NHS: variants seen among roughly 807,000 people sequenced by gnomAD.
The protein encoded by NHS is NHS actin remodeling regulator.
NHS carries 5 observed loss-of-function variants against 72.5 expected under a neutral mutation model. The observed-to-expected ratio is 0.07, with a 90% CI of 0.04 to 0.14. The LOEUF (loss-of-function observed/expected upper bound fraction) is 0.14, where lower values mean the gene tolerates loss of function less well. Ranked by LOEUF, NHS falls within the 10% of genes least tolerant of loss-of-function variation. NHS has a pLI of 1.00. For synonymous variants in NHS, 464 were observed against 547.7 expected, an observed-to-expected ratio of 0.85 and a Z score of 2.13; for missense variants, 1,072 against 1,355.7, an observed-to-expected ratio of 0.79 and a Z score of 3.29.
chrX:17,491,142 G>A (rs992880832), intron 1 of NHS, among the ~76,000 whole-genome samples: 3 of 111,409 alleles, frequency 2.7e-5, no homozygotes, highest in Non-Finnish European at 5.6e-5. Flanking sequence ...GATTGCCCTG[G>A]CCAGAACTTC....
At chrX:17,582,542 A>C (rs1307117759) in intron 1 of NHS, among the ~76,000 whole-genome samples, 1 of 111,856 alleles carries the variant, frequency 8.9e-6, no homozygotes, top group East Asian at 2.8e-4. Context: ...GAGAAGAGAG[A>C]GTCCTTGGCC....
rs144801327 is a variant in NHS at position 17,477,384 on chromosome X, C to T, written c.565+101062C>T. On this transcript the variant is annotated intron_variant, in intron 1 of 8. Coordinates refer to ENST00000676302, the MANE Select transcript of NHS (RefSeq NM_001291867.2). ...CATATTTGAGGAATAGCAAGGAGCC[C>T]GGTGTGGTCAGAGCTGCATGGGTAA... is the stretch of plus-strand genomic sequence containing the variant. Among the ~76,000 whole-genome samples the T allele has an allele frequency of 3.9e-3, 430 of 111,648 alleles. 1 individual carries two copies. Among genetic ancestry groups the T allele is most frequent in the African/African-American group, 0.013 (392 of 30,740 alleles).
intron 1 of NHS, among the ~76,000 whole-genome samples, chrX:17,487,363 G>C (rs139052313): frequency 0.01 from 1,121 of 111,436 alleles, 16 homozygotes; most frequent in African/African-American, 0.035. Context: ...GCCTTGGGAG[G>C]CTTCTAATTT....
At chrX:17,538,660 G>A (rs949970886) in intron 1 of NHS, among the ~76,000 whole-genome samples, 2 of 111,860 alleles carry the variant, frequency 1.8e-5, no homozygotes, top group African/African-American at 3.3e-5. Flanking sequence ...CCATGAACAC[G>A]TGCAAAGTGG....
At chrX:17,452,994 T>C (rs2064811869) in intron 1 of NHS, among the ~76,000 whole-genome samples, 1 of 112,308 alleles carries the variant, frequency 8.9e-6, no homozygotes, top group South Asian at 3.7e-4. Context: ...GTCTCTTTAA[T>C]TGTACCAGGG....
At chrX:17,554,566 G>C (rs984481658) in intron 1 of NHS, among the ~76,000 whole-genome samples, 3 of 112,643 alleles carry the variant, frequency 2.7e-5, no homozygotes, top group African/African-American at 9.7e-5. Flanking sequence ...TTCTGGGCCA[G>C]CCAGGTTTAA....
At chrX:17,580,661 G>T (rs1295645184) in intron 1 of NHS, among the ~76,000 whole-genome samples, 2 of 111,536 alleles carry the variant, frequency 1.8e-5, no homozygotes, top group African/African-American at 3.3e-5. Context: ...GCTGTGATTT[G>T]TTGCTCCTGC....
chrX:17,731,173 T>G (rs1044205763), intron 8 of NHS, among the ~76,000 whole-genome samples: 6 of 108,719 alleles, frequency 5.5e-5, no homozygotes, highest in Non-Finnish European at 9.5e-5. Context: ...AGTTATAGTC[T>G]TTCACCCCCT....
chrX:17,629,403 TG>T (rs1293352067), intron 1 of NHS, among the ~76,000 whole-genome samples: 1 of 112,090 alleles, frequency 8.9e-6, no homozygotes, highest in Non-Finnish European at 1.9e-5. Context: ...GAAACCAAAA[TG>T]GCAACACTTC....
At chrX:17,613,855 G>A (rs1040921251) in intron 1 of NHS, among the ~76,000 whole-genome samples, 2 of 112,206 alleles carry the variant, frequency 1.8e-5, no homozygotes, top group Non-Finnish European at 3.8e-5. Context: ...CATTCTGACC[G>A]GTGGTTCTAT....
At chrX:17,706,033 A>T (rs759612207) in intron 3 of NHS, among the ~76,000 whole-genome samples, 12 of 110,721 alleles carry the variant, frequency 1.1e-4, no homozygotes, top group South Asian at 3.9e-4. Flanking sequence ...ACAAAAAAAA[A>T]TTTTTTTAAT....
At chrX:17,689,341 A>T (rs911477036) in intron 2 of NHS, among the ~76,000 whole-genome samples, 2 of 112,464 alleles carry the variant, frequency 1.8e-5, no homozygotes, top group African/African-American at 6.5e-5. Context: ...AAGAGTGATG[A>T]TCAGTATCCT....
intron 6 of NHS, 130 bp from the exon 7 acceptor site, chrX:17,725,217 A>ATTT: frequency 1.4e-5 from 8 of 556,542 alleles, no homozygotes; most frequent in African/African-American, 7.1e-5. Flanking sequence ...CTATATATTG[A>ATTT]TTTTTTTTCT....
At chrX:17,396,405 G>A (rs1364122732) in intron 1 of NHS, among the ~76,000 whole-genome samples, 1 of 107,606 alleles carries the variant, frequency 9.3e-6, no homozygotes, top group African/African-American at 3.4e-5. Context: ...CCTTTCTTTT[G>A]TTTCATTTTT....
intron 1 of NHS, among the ~76,000 whole-genome samples, chrX:17,541,767 A>AACACACACGCACAC (rs2065264636): frequency 1.6e-5 from 1 of 62,902 alleles, no homozygotes; most frequent in Non-Finnish European, 2.8e-5. Flanking sequence ...TGAGTTTGCG[A>AACACACACGCACAC]ACACACACAC....
intron 5 of NHS, among the ~76,000 whole-genome samples, chrX:17,722,896 T>C (rs1220866573): frequency 9.0e-6 from 1 of 111,419 alleles, no homozygotes; most frequent in African/African-American, 3.3e-5. Flanking sequence ...TATTTTATGA[T>C]TGAGGGAAAG....
intron 1 of NHS, among the ~76,000 whole-genome samples, chrX:17,602,182 C>CACAACAACA (rs200704576): frequency 9.0e-6 from 1 of 110,904 alleles, no homozygotes; most frequent in Non-Finnish European, 1.9e-5. Context: ...TGATCACACA[C>CACAACAACA]ACAACAACAA....
intron 1 of NHS, among the ~76,000 whole-genome samples, chrX:17,582,573 C>T (rs1426969306): frequency 9.0e-6 from 1 of 111,627 alleles, no homozygotes; most frequent in African/African-American, 3.3e-5. Flanking sequence ...TATGCTAGAG[C>T]TCTTCAGACA....
intron 1 of NHS, among the ~76,000 whole-genome samples, chrX:17,685,732 G>T (rs997101941): frequency 3.0e-4 from 34 of 112,081 alleles, no homozygotes; most frequent in African/African-American, 1.1e-3. Context: ...AAAGGTGGAC[G>T]TGGAGGAGTG....
Sources: allele counts gnomAD v4.1 joint callset (sites outside exome capture counted in the v4.1 genomes callset), GRCh38; gene constraint gnomAD v4.1.1; transcripts MANE v1.5; gene names NCBI Gene and HGNC (gene_info 2026-07-23, HGNC 2026-07-21).